Variants in ATP11A observed in about 807,000 individuals in gnomAD.
The protein encoded by ATP11A is ATPase phospholipid transporting 11A, also known as phospholipid-transporting ATPase IH.
A neutral mutation model predicts 154.4 loss-of-function variants in ATP11A; 81 were observed. That is an observed-to-expected ratio of 0.52 (90% CI 0.44 to 0.63). The LOEUF (loss-of-function observed/expected upper bound fraction) is 0.63, where lower values mean the gene tolerates loss of function less well. ATP11A is among the 30% of genes least tolerant of loss of function. The pLI is 0.00. For missense variants in ATP11A, 1,316 were observed against 1,474.3 expected (o/e 0.89, Z 1.76); for synonymous variants, 623 against 585.9 (o/e 1.06, Z -0.91).
chr13:112,823,690 G>A (rs1259492111), intron 9 of ATP11A, among the ~76,000 whole-genome samples: 1 of 152,232 alleles, frequency 6.6e-6, no homozygotes, highest in Non-Finnish European at 1.5e-5. Context: ...TAGTTGTGCA[G>A]GAAATGTTTT....
At chr13:112,808,566 C>T (rs112262122) in intron 4 of ATP11A, among the ~76,000 whole-genome samples, 9,253 of 151,790 alleles carry the variant, frequency 0.061, 423 homozygotes, top group South Asian at 0.083. Context: ...CCCAAATGGC[C>T]TCCCCACACT....
intron 1 of ATP11A, among the ~76,000 whole-genome samples, chr13:112,782,099 G>A (rs936529194): frequency 2.0e-5 from 3 of 152,252 alleles, no homozygotes; most frequent in Non-Finnish European, 2.9e-5. Context: ...GTTAAACGCC[G>A]CTACACTGTT....
chr13:112,711,368 G>A lies in ATP11A; in HGVS notation c.39+20913G>A, dbSNP rs77803635. Reference sequence around the variant, plus strand: ...TGTGGTCCCATCTACTTGAGAGGCCGAGGTGGGAGGATCAGATCCCCTGAG... The same window carrying A: ...TGTGGTCCCATCTACTTGAGAGGCCAAGGTGGGAGGATCAGATCCCCTGAG... On this transcript the variant is annotated intron_variant, in intron 1 of 29. Coordinates refer to ENST00000375645, the MANE Select transcript of ATP11A (RefSeq NM_015205.3). Among the ~76,000 whole-genome samples the A allele has an allele frequency of 6.2e-4, 95 of 152,286 alleles. No individual in the cohort carries two copies. The East Asian group carries it at 0.018, about 29-fold the overall frequency.
At position 112,859,492 on chromosome 13, in the gene ATP11A, T is replaced by C; in HGVS notation, c.2727+40T>C. 6.4e-7 allele frequency: 1 copy of C among 1,555,298 alleles called. No homozygotes were observed. ...CTTCAGGGACAGGCTGTCTGAGCCTTCTTTTCCTTCCCGCAGTGGGTGGCT... is the reference window on the plus strand; with the variant it reads ...CTTCAGGGACAGGCTGTCTGAGCCTCCTTTTCCTTCCCGCAGTGGGTGGCT... On this transcript the variant is annotated intron_variant, in intron 23 of 29. Transcript: ENST00000375645. The surrounding 1 kb of genome is among the most constrained non-coding windows in gnomAD (Gnocchi z 4.3).
intron 1 of ATP11A, among the ~76,000 whole-genome samples, chr13:112,758,932 T>G (rs1166591315): frequency 1.3e-5 from 2 of 152,258 alleles, no homozygotes; most frequent in Non-Finnish European, 2.9e-5. Context: ...TACAGTTTTG[T>G]AGCCTTCATT....
At position 112,832,911 on chromosome 13, in the gene ATP11A, G is replaced by A; in HGVS notation, c.1447G>A (p.Val483Met). ...RALCLCHTVQ[V>M]KDDDSVDGPR... is the part of the protein sequence containing the mutation. ...CCTCTGTCTCTGCCACACCGTCCAGGTGAAAGACGATGACAGCGTAGACGG... is the reference window on the plus strand; with the variant it reads ...CCTCTGTCTCTGCCACACCGTCCAGATGAAAGACGATGACAGCGTAGACGG... The change falls in exon 14 of 30, where the codon GTG (valine) becomes ATG (methionine). Residue 483 changes from valine (V) to methionine (M), a missense_variant. Transcript: ENST00000375645. 1 of 1,614,142 alleles carries A rather than the reference G, an allele frequency of 6.2e-7. No individual in the cohort carries two copies. Among genetic ancestry groups the A allele is most frequent in the East Asian group, 2.2e-5 (1 of 44,874 alleles).
intron 2 of ATP11A, among the ~76,000 whole-genome samples, chr13:112,795,057 A>G (rs988566710): frequency 1.3e-5 from 2 of 152,040 alleles, no homozygotes; most frequent in Admixed American, 6.6e-5. Context: ...CAGCCTGGGC[A>G]ACATGGTGAA....
At chr13:112,839,906 T>G (rs939272700) in intron 16 of ATP11A, among the ~76,000 whole-genome samples, 1 of 152,196 alleles carries the variant, frequency 6.6e-6, no homozygotes, top group Non-Finnish European at 1.5e-5. Context: ...CAGTTCTCAT[T>G]CTGAACTGTA....
intron 1 of ATP11A, among the ~76,000 whole-genome samples, chr13:112,738,718 G>A (rs1282385565): frequency 1.6e-4 from 6 of 37,484 alleles, no homozygotes; most frequent in Admixed American, 3.3e-4. Context: ...CTGCCTCCCC[G>A]TCCCCCTCCT....
rs532066859 is a variant in ATP11A, at chr13:112,815,895, T to C, written c.442-188T>C. Reference sequence around the variant, plus strand: ...TGTTTTTGCTGCGGAAGTTAGAACATTGAAACCTGACCTGGTCTTTCCTTG... The same window carrying C: ...TGTTTTTGCTGCGGAAGTTAGAACACTGAAACCTGACCTGGTCTTTCCTTG... On this transcript the variant is annotated intron_variant, in intron 5 of 29. Transcript: ENST00000375645. Among the ~76,000 whole-genome samples, 14 of 152,314 alleles carry C rather than the reference T, an allele frequency of 9.2e-5. No individual in the cohort carries two copies. In the East Asian group the frequency reaches 1.5e-3, roughly 17 times the overall value.
At chr13:112,702,029 C>T (rs1036624763) in intron 1 of ATP11A, among the ~76,000 whole-genome samples, 2 of 152,008 alleles carry the variant, frequency 1.3e-5, no homozygotes, top group African/African-American at 4.8e-5. Context: ...AGTTCCTCCT[C>T]TTGTCACAGA....
At chr13:112,874,109 A>C (rs111510711) in intron 27 of ATP11A, among the ~76,000 whole-genome samples, 1,922 of 152,152 alleles carry the variant, frequency 0.013, 34 homozygotes, top group African/African-American at 0.044. Flanking sequence ...GTCCTGTCTC[A>C]CTCCATCCTC....
In ATP11A at chr13:112,882,001, TCAC is replaced by T; in HGVS notation, c.*139_*141del. 7.3e-7 allele frequency: 1 copy of T among 1,367,800 alleles called. No homozygotes were observed. The highest frequency in any genetic ancestry group is 9.8e-7 in the Non-Finnish European group (1 of 1,021,972). The allele number at this position is 1,367,800 out of a possible 1,614,324, so 84.7% of individuals were successfully genotyped here. On this transcript the variant is annotated 3_prime_UTR_variant, in exon 30 of 30. Coordinates refer to ENST00000375645, the MANE Select transcript of ATP11A (RefSeq NM_015205.3). This position sits in a 1 kb window ranked among gnomAD's most constrained non-coding sequence, Gnocchi z 5.1. ...CCCCACCCATCCTCGGCGGTTCCCA[TCAC>T]CACTGCAGTTCCATCCCAAGTCACA... is the stretch of plus-strand genomic sequence containing the variant.
chr13:112,834,982 G>C (rs577419846), intron 15 of ATP11A, among the ~76,000 whole-genome samples: 1 of 152,224 alleles, frequency 6.6e-6, no homozygotes, highest in African/African-American at 2.4e-5. Context: ...GCTGCAGGCC[G>C]CGTTCTGACC....
chr13:112,708,481 CATGAA>C (rs1320281782), intron 1 of ATP11A, among the ~76,000 whole-genome samples: 1 of 152,170 alleles, frequency 6.6e-6, no homozygotes, highest in East Asian at 1.9e-4. Context: ...GCAAGTATAG[CATGAA>C]ATTGACTAGA....
intron 1 of ATP11A, among the ~76,000 whole-genome samples, chr13:112,767,528 T>G: frequency 6.7e-6 from 1 of 149,296 alleles, no homozygotes; most frequent in Non-Finnish European, 1.5e-5. Flanking sequence ...GGGGCCCCTG[T>G]GGGAAGGTAG....
At chr13:112,769,776 G>A (rs1295970663) in intron 1 of ATP11A, among the ~76,000 whole-genome samples, 1 of 152,234 alleles carries the variant, frequency 6.6e-6, no homozygotes, top group East Asian at 1.9e-4. Context: ...TCTGTCCTGA[G>A]AGAGGCACCG....
intron 1 of ATP11A, among the ~76,000 whole-genome samples, chr13:112,765,062 G>A (rs2077041375): frequency 6.6e-6 from 1 of 152,168 alleles, no homozygotes; most frequent in South Asian, 2.1e-4. Context: ...CTCCTTAGCT[G>A]CTGCCTGGCA....
intron 1 of ATP11A, among the ~76,000 whole-genome samples, chr13:112,715,357 T>C (rs79903204): frequency 4.9e-4 from 14 of 28,346 alleles, no homozygotes; most frequent in East Asian, 1.7e-3. Flanking sequence ...GCCAATCCCC[T>C]ACACCTGGCC....
Sources: allele counts gnomAD v4.1 joint callset (sites outside exome capture counted in the v4.1 genomes callset), GRCh38; gene constraint gnomAD v4.1.1; non-coding constraint Gnocchi (gnomAD v3.1); transcripts MANE v1.5; gene names NCBI Gene and HGNC (gene_info 2026-07-23, HGNC 2026-07-21).